The following TRABD2B variants were observed in gnomAD, a reference collection of about 807,000 sequenced individuals.
TRABD2B encodes the protein metalloprotease TIKI2.
In TRABD2B, 14 loss-of-function variants were observed where a neutral mutation model predicts 40.1. That is an observed-to-expected ratio of 0.35 (90% CI 0.23 to 0.55). The LOEUF (loss-of-function observed/expected upper bound fraction) is 0.55, where lower values mean the gene tolerates loss of function less well. Ranked by LOEUF, TRABD2B falls within the 20% of genes least tolerant of loss-of-function variation. The pLI is 0.90. For synonymous variants in TRABD2B, 263 were observed against 277.0 expected (o/e 0.95, Z 0.50); for missense variants, 541 against 648.6 (o/e 0.83, Z 1.80).
chr1:47,890,693 G>C (rs934931454), intron 2 of TRABD2B, among the ~76,000 whole-genome samples: 2 of 152,200 alleles, frequency 1.3e-5, no homozygotes, highest in Admixed American at 1.3e-4. Flanking sequence ...AGGAGCCTTT[G>C]AGAATCTCCT....
At chr1:47,870,452 C>T (rs369637256) in intron 2 of TRABD2B, among the ~76,000 whole-genome samples, 1 of 152,314 alleles carries the variant, frequency 6.6e-6, no homozygotes, top group South Asian at 2.1e-4. Context: ...TCCTACACCC[C>T]TTCCCCCTAG....
intron 3 of TRABD2B, among the ~76,000 whole-genome samples, chr1:47,800,752 G>A (rs1250523150): frequency 1.3e-5 from 2 of 152,198 alleles, no homozygotes; most frequent in African/African-American, 4.8e-5. Flanking sequence ...CTCAGGAGGT[G>A]ACATATGACT....
intron 2 of TRABD2B, among the ~76,000 whole-genome samples, chr1:47,806,947 A>G (rs567751707): frequency 5.9e-5 from 9 of 152,286 alleles, no homozygotes; most frequent in South Asian, 4.1e-4. Flanking sequence ...TCAAAGCCCA[A>G]GGGAATCACT....
chr1:47,838,959 C>T (rs1645356527), intron 2 of TRABD2B, among the ~76,000 whole-genome samples: 1 of 152,230 alleles, frequency 6.6e-6, no homozygotes, highest in African/African-American at 2.4e-5. Flanking sequence ...TGGGCTGTTT[C>T]TGTCTGCCCT....
At chr1:47,988,322 A>G (rs1044911253) in intron 2 of TRABD2B, among the ~76,000 whole-genome samples, 1 of 152,184 alleles carries the variant, frequency 6.6e-6, no homozygotes, top group Non-Finnish European at 1.5e-5. Context: ...AGGACTAATA[A>G]TACCCACCTC....
intron 2 of TRABD2B, among the ~76,000 whole-genome samples, chr1:47,909,444 A>G (rs1454315026): frequency 6.8e-6 from 1 of 147,018 alleles, no homozygotes; most frequent in East Asian, 2.0e-4. Flanking sequence ...GAGAGAGAAG[A>G]AGAAGAAGAA....
chr1:47,980,974 G>A (rs1357002211), intron 2 of TRABD2B, among the ~76,000 whole-genome samples: 1 of 151,878 alleles, frequency 6.6e-6, no homozygotes, highest in African/African-American at 2.4e-5. Context: ...TCAGATTCCA[G>A]CTCCACCTCC....
chr1:47,947,889 C>T (rs758394122), intron 2 of TRABD2B, among the ~76,000 whole-genome samples: 10 of 152,318 alleles, frequency 6.6e-5, no homozygotes, highest in Middle Eastern at 6.8e-3. Context: ...TGACTATACA[C>T]AACCTATCAG....
rs1643941410 is a variant in TRABD2B, at chr1:47,859,854, G to A, written c.667-58235C>T. ...TATAATAATGATCACTCCTCACATC[G>A]ACAACTCTTCACGGTTAACCAAACC... On this transcript the variant is annotated intron_variant, in intron 2 of 6. Transcript: ENST00000606738. Among the ~76,000 whole-genome samples, 4 of 152,260 alleles carry A rather than the reference G, an allele frequency of 2.6e-5. 1 individual carries two copies. The highest frequency in any genetic ancestry group is 6.8e-3 in the Middle Eastern group (2 of 294).
intron 2 of TRABD2B, among the ~76,000 whole-genome samples, chr1:47,973,931 C>T (rs1645717892): frequency 6.6e-6 from 1 of 152,044 alleles, no homozygotes; most frequent in South Asian, 2.1e-4. Flanking sequence ...TAGTGAGATC[C>T]CATCACTACA....
chr1:47,970,329 C>A (rs1202056210), intron 2 of TRABD2B, among the ~76,000 whole-genome samples: 1 of 152,044 alleles, frequency 6.6e-6, no homozygotes, highest in Non-Finnish European at 1.5e-5. Flanking sequence ...CCATTTTGCA[C>A]TTATTTTCAA....
At chr1:47,861,211 T>C (rs1331304588) in intron 2 of TRABD2B, among the ~76,000 whole-genome samples, 1 of 152,138 alleles carries the variant, frequency 6.6e-6, no homozygotes, top group East Asian at 1.9e-4. Flanking sequence ...GGGGATAATT[T>C]TGCTATTTCC....
intron 2 of TRABD2B, among the ~76,000 whole-genome samples, chr1:47,877,711 T>C (rs1005182090): frequency 6.6e-6 from 1 of 152,218 alleles, no homozygotes; most frequent in African/African-American, 2.4e-5. Context: ...AAGTCAATTA[T>C]AGAGAAGTGA....
chr1:47,767,197 C>T (rs1029428903), intron 6 of TRABD2B, among the ~76,000 whole-genome samples: 3 of 152,244 alleles, frequency 2.0e-5, no homozygotes, highest in Admixed American at 1.3e-4. Flanking sequence ...ACAGGCTGGG[C>T]CCTGAAGTAA....
At chr1:47,868,971 C>G (rs551095524) in intron 2 of TRABD2B, among the ~76,000 whole-genome samples, 1 of 152,300 alleles carries the variant, frequency 6.6e-6, no homozygotes, top group South Asian at 2.1e-4. Flanking sequence ...GGACTCTGCC[C>G]ATGAGCATCA....
intron 2 of TRABD2B, among the ~76,000 whole-genome samples, chr1:47,901,939 C>T (rs551462500): frequency 8.3e-4 from 126 of 152,256 alleles, no homozygotes; most frequent in African/African-American, 3.0e-3. Flanking sequence ...ACCTGTGGGG[C>T]AAGGAGCCAC....
Position 47,990,521 on chromosome 1 carries a change from G to A in TRABD2B, c.666+3513C>T, listed in dbSNP as rs1051752228. Among the ~76,000 whole-genome samples, 4 of 152,064 alleles carry A rather than the reference G, an allele frequency of 2.6e-5. No homozygotes were observed. The Middle Eastern group carries it at 0.01, about 388-fold the overall frequency. ...TGGATATGGCTGCTGGGAGAAGGGA[G>A]TGGCAACTTCCCATGCAGCCTTCCT... On this transcript the variant is annotated intron_variant, in intron 2 of 6. Coordinates refer to ENST00000606738, the MANE Select transcript of TRABD2B (RefSeq NM_001194986.2).
At chr1:47,772,474 C>T (rs955041198) in intron 6 of TRABD2B, among the ~76,000 whole-genome samples, 7 of 151,612 alleles carry the variant, frequency 4.6e-5, no homozygotes, top group East Asian at 3.9e-4. Context: ...GGCTGAGCAG[C>T]GGCGTGGGGG....
chr1:47,827,297 C>T (rs889748381), intron 2 of TRABD2B, among the ~76,000 whole-genome samples: 1 of 152,168 alleles, frequency 6.6e-6, no homozygotes, highest in Admixed American at 6.5e-5. Flanking sequence ...CAGGCAGTGC[C>T]GAAGACACGC....
Sources: gnomAD v4.1 joint callset for allele counts (sites outside exome capture counted in the v4.1 genomes callset) on GRCh38, gnomAD v4.1.1 for gene constraint, MANE v1.5 for transcripts, NCBI Gene and HGNC (gene_info 2026-07-23, HGNC 2026-07-21) for gene names.